CRMP1: variants seen among roughly 807,000 people sequenced by gnomAD.
CRMP1 encodes the protein dihydropyrimidinase-related protein 1.
Under a neutral mutation model 68.3 loss-of-function variants are expected in CRMP1, and 19 were observed. That is an observed-to-expected ratio of 0.28 (90% confidence interval 0.19 to 0.41). The LOEUF (loss-of-function observed/expected upper bound fraction) is 0.41. CRMP1 is among the 10% of genes least tolerant of loss of function. The pLI is 1.00. For missense variants in CRMP1, 791 were observed against 967.4 expected, an observed-to-expected ratio of 0.82 and a Z score of 2.42; for synonymous variants, 439 against 399.6, an observed-to-expected ratio of 1.10 and a Z score of -1.18.
chr4:5,852,080 T>A (rs1712700347), intron 4 of CRMP1, among the ~76,000 whole-genome samples: 1 of 152,170 alleles, frequency 6.6e-6, no homozygotes. Flanking sequence ...GTGATGAGCA[T>A]CTGCAATACG....
chr4:5,833,557 C>CCT (rs77284695), intron 11 of CRMP1, among the ~76,000 whole-genome samples: 11 of 151,026 alleles, frequency 7.3e-5, no homozygotes, highest in Admixed American at 5.9e-4. Flanking sequence ...ACACATGTGT[C>CCT]CTCTCTCTCT....
At chr4:5,871,475 A>C (rs1013441788) in intron 1 of CRMP1, among the ~76,000 whole-genome samples, 5 of 152,144 alleles carry the variant, frequency 3.3e-5, no homozygotes, top group African/African-American at 1.2e-4. Flanking sequence ...CCTGGCTAAC[A>C]TGGTGAAACC....
chr4:5,875,760 G>GT (rs1243812821), intron 1 of CRMP1, among the ~76,000 whole-genome samples: 1 of 152,082 alleles, frequency 6.6e-6, no homozygotes, highest in African/African-American at 2.4e-5. Context: ...CACAGAGACC[G>GT]TGAGTTTTCT....
intron 1 of CRMP1, among the ~76,000 whole-genome samples, chr4:5,869,728 G>T (rs1198091500): frequency 6.7e-6 from 1 of 148,682 alleles, no homozygotes; most frequent in East Asian, 2.0e-4. Context: ...AAACTGACAA[G>T]AACAACCCAC....
In CRMP1 at chr4:5,855,488, C is replaced by G. The variant is rs901647823; in HGVS notation, c.820+655G>C. ...CAGTTCCCCCCAGTTCGATGTAACA[C>G]ACACCATAAAGGTCTACACTGTGCT... On this transcript the variant is annotated intron_variant, in intron 4 of 13. Transcript: ENST00000324989. The surrounding 1 kb of genome is among the most constrained non-coding windows in gnomAD (Gnocchi z 4.9). 6.6e-6 allele frequency among the ~76,000 whole-genome samples: 1 copy of G among 152,136 alleles called. No individual in the cohort carries two copies. Among genetic ancestry groups the G allele is most frequent in the African/African-American group, 2.4e-5 (1 of 41,410 alleles).
At chr4:5,829,547 G>A (rs1720200831) in intron 11 of CRMP1, among the ~76,000 whole-genome samples, 1 of 152,186 alleles carries the variant, frequency 6.6e-6, no homozygotes, top group Non-Finnish European at 1.5e-5. Flanking sequence ...AAAGATATTG[G>A]ATAGAAAGGT....
chr4:5,888,277 G>A lies in CRMP1; in HGVS notation c.381+4312C>T. 1 of 1,272,896 alleles carries A rather than the reference G, an allele frequency of 7.9e-7. No homozygotes were observed. Among genetic ancestry groups the A allele is most frequent in the Middle Eastern group, 2.0e-4 (1 of 4,892 alleles). The allele number at this position is 1,272,896 out of a possible 1,614,324, so 78.9% of individuals were successfully genotyped here. A position where few individuals can be genotyped will look rare whatever the true frequency, so the allele number is the denominator to read the frequency against. The stretch of plus-strand genomic sequence containing the variant: ...GCCCTGGTACGACATGGCCCCCTCT[G>A]GCGCCCTCGGCCCGGCCGCTGACCT... On this transcript the variant is annotated intron_variant, in intron 1 of 13. Transcript: ENST00000324989. This position sits in a 1 kb window ranked among gnomAD's most constrained non-coding sequence, Gnocchi z 6.4.
intron 11 of CRMP1, among the ~76,000 whole-genome samples, chr4:5,830,305 A>C (rs1325284499): frequency 6.6e-6 from 1 of 151,984 alleles, no homozygotes; most frequent in East Asian, 1.9e-4. Flanking sequence ...TCTGGAACTC[A>C]AATGAAGTAA....
intron 4 of CRMP1, among the ~76,000 whole-genome samples, chr4:5,852,299 T>C (rs1375798859): frequency 1.3e-5 from 2 of 152,194 alleles, no homozygotes; most frequent in Non-Finnish European, 2.9e-5. Context: ...ACTTTCCCCA[T>C]TTCTGCAAAG....
intron 9 of CRMP1, among the ~76,000 whole-genome samples, chr4:5,837,579 G>C (rs949278103): frequency 2.0e-5 from 3 of 150,560 alleles, no homozygotes; most frequent in African/African-American, 7.4e-5. Flanking sequence ...AGTGAACCGA[G>C]ATTGCACCAT....
At chr4:5,875,285 T>C (rs1714729287) in intron 1 of CRMP1, among the ~76,000 whole-genome samples, 1 of 151,998 alleles carries the variant, frequency 6.6e-6, no homozygotes, top group Admixed American at 6.6e-5. Context: ...GAGTGAGGCA[T>C]TAAACCTCCC....
intron 2 of CRMP1, among the ~76,000 whole-genome samples, chr4:5,863,133 A>ATTTTTTT (rs1713713387): frequency 1.3e-5 from 1 of 78,008 alleles, no homozygotes. Flanking sequence ...TTTTTTTTAA[A>ATTTTTTT]GAAACAGGAC....
chr4:5,876,230 G>A (rs1050734958), intron 1 of CRMP1, among the ~76,000 whole-genome samples: 8 of 151,786 alleles, frequency 5.3e-5, no homozygotes, highest in South Asian at 4.2e-4. Context: ...TTATGTTTCC[G>A]AGTGGACATA....
At position 5,877,161 on chromosome 4, in the gene CRMP1, C is replaced by T. The variant is rs1007749990; in HGVS notation, c.382-10405G>A. On this transcript the variant is annotated intron_variant, in intron 1 of 13. Coordinates refer to ENST00000324989, the MANE Select transcript of CRMP1 (RefSeq NM_001014809.3). This position sits in a 1 kb window ranked among gnomAD's most constrained non-coding sequence, Gnocchi z 4.3. ...AGAGGATTTGAGGAGCACACCTGAC[C>T]CCAACAGAAGACTGAAGACAAATTG... Among the ~76,000 whole-genome samples the T allele has an allele frequency of 6.6e-6, 1 of 152,122 alleles. No individual in the cohort carries two copies. Among genetic ancestry groups the T allele is most frequent in the African/African-American group, 2.4e-5 (1 of 41,422 alleles).
Position 5,888,290 on chromosome 4 carries a change from C to A in CRMP1, c.381+4299G>T. On this transcript the variant is annotated intron_variant, in intron 1 of 13. Transcript: ENST00000324989. The surrounding 1 kb of genome is among the most constrained non-coding windows in gnomAD (Gnocchi z 6.4). ...ATGGCCCCCTCTGGCGCCCTCGGCC[C>A]GGCCGCTGACCTGCGGGGCTGTCTG... 11 of 1,264,858 alleles carry A rather than the reference C, an allele frequency of 8.7e-6. No individual in the cohort carries two copies. The highest frequency in any genetic ancestry group is 3.1e-5 in the East Asian group (1 of 32,342). The allele number at this position is 1,264,858 out of a possible 1,614,324, so 78.4% of individuals were successfully genotyped here. A position where few individuals can be genotyped will look rare whatever the true frequency, so the allele number is the denominator to read the frequency against.
At chr4:5,824,395 T>G in intron 13 of CRMP1, 6 of 985,372 alleles carry the variant, frequency 6.1e-6, no homozygotes, top group Non-Finnish European at 4.8e-6. Context: ...CCTCCTTGAT[T>G]CATGCCTCCT....
At chr4:5,828,952 G>A (rs1560484928) in intron 11 of CRMP1, among the ~76,000 whole-genome samples, 1 of 152,124 alleles carries the variant, frequency 6.6e-6, no homozygotes, top group Non-Finnish European at 1.5e-5. Context: ...GTTATGCAAT[G>A]TGGCTGCTTT....
In CRMP1 at chr4:5,891,093, G is replaced by A. The variant is rs1388102070; in HGVS notation, c.381+1496C>T. On this transcript the variant is annotated intron_variant, in intron 1 of 13. Coordinates refer to ENST00000324989, the MANE Select transcript of CRMP1 (RefSeq NM_001014809.3). This position sits in a 1 kb window ranked among gnomAD's most constrained non-coding sequence, Gnocchi z 5.2. Reference sequence around the variant, plus strand: ...CCACCAGGGAAGGTAGTGGACAGGGGGAGATACAGAAGGGGTGGGGGAAGA... The same window carrying A: ...CCACCAGGGAAGGTAGTGGACAGGGAGAGATACAGAAGGGGTGGGGGAAGA... 4.6e-5 allele frequency among the ~76,000 whole-genome samples: 7 copies of A among 151,544 alleles called. No homozygotes were observed. Among genetic ancestry groups the A allele is most frequent in the African/African-American group, 1.2e-4 (5 of 41,244 alleles).
chr4:5,824,945 G>A (rs978381305), intron 13 of CRMP1: 1 of 985,300 alleles, frequency 1.0e-6, no homozygotes, highest in African/African-American at 1.7e-5. Context: ...CCACACATTT[G>A]TTGAGCACCA....
Sources: gnomAD v4.1 joint callset for allele counts (sites outside exome capture counted in the v4.1 genomes callset) on GRCh38, gnomAD v4.1.1 for gene constraint, Gnocchi (gnomAD v3.1) non-coding constraint, MANE v1.5 for transcripts, NCBI Gene and HGNC (gene_info 2026-07-23, HGNC 2026-07-21) for gene names.